RHOT1: variants seen among roughly 807,000 people sequenced by gnomAD.
The protein encoded by RHOT1 is mitochondrial Rho GTPase 1.
RHOT1 carries 27 observed loss-of-function variants against 95.3 expected under a neutral mutation model. The ratio of observed to expected loss-of-function variants is 0.28; its 90% CI spans 0.21 to 0.39. The LOEUF is 0.39. Among genes scored for constraint, RHOT1 ranks in the 10% least tolerant of loss-of-function variants. The probability of loss-of-function intolerance (pLI) is 1.00; values close to 1 mark genes in which losing one functional copy is unlikely to be tolerated. For missense variants in RHOT1, 578 were observed against 786.7 expected (o/e 0.73, Z 3.17); for synonymous variants, 227 against 263.5 (o/e 0.86, Z 1.34).
chr17:32,155,025 A>G (rs1209025618), intron 1 of RHOT1, among the ~76,000 whole-genome samples: 1 of 152,078 alleles, frequency 6.6e-6, no homozygotes, highest in Non-Finnish European at 1.5e-5. Context: ...TTGAGGTTGC[A>G]GTGAGCTGTG....
At chr17:32,193,301 A>G in intron 10 of RHOT1, 57 bp downstream of exon 10, 1 of 1,067,956 alleles carries the variant, frequency 9.4e-7, no homozygotes, top group Non-Finnish European at 1.5e-6. Context: ...AATTTGGCAG[A>G]AGGTGAAGGT....
chr17:32,162,940 GA>G (rs1417814712), intron 1 of RHOT1, among the ~76,000 whole-genome samples: 1 of 152,164 alleles, frequency 6.6e-6, no homozygotes, highest in Non-Finnish European at 1.5e-5. Flanking sequence ...ATGTTTAGAT[GA>G]GGGAAACTGT....
At chr17:32,220,028 A>T (rs1185456476) in intron 19 of RHOT1, among the ~76,000 whole-genome samples, 1 of 152,218 alleles carries the variant, frequency 6.6e-6, no homozygotes, top group Non-Finnish European at 1.5e-5. Context: ...AAAACATCCT[A>T]AATATAGAGA....
chr17:32,200,832 T>TTAAAGTAGTC, intron 13 of RHOT1, 124 bp from the exon 14 acceptor site: 2 of 624,720 alleles, frequency 3.2e-6, no homozygotes, highest in Non-Finnish European at 2.8e-6. Flanking sequence ...TCATAGGAAA[T>TTAAAGTAGTC]TAAAGTAGTC....
At chr17:32,206,441 CTTTTTTTTTTTTTTTT>C (rs34176535) in intron 16 of RHOT1, among the ~76,000 whole-genome samples, 9 of 67,008 alleles carry the variant, frequency 1.3e-4, no homozygotes, top group Non-Finnish European at 2.7e-4. Context: ...TCTATACTTT[CTTTTTTTTTTTTTTTT>C]TTTTTTTTTT....
rs1048307503 is a variant in RHOT1, at chr17:32,178,642, C to T, written c.329+2429C>T. On this transcript the variant is annotated intron_variant, in intron 6 of 19. Transcript: ENST00000545287. Reference sequence around the variant, plus strand: ...CTAGGAAGTGAGGAGCATCTCTGCCCGGCTGCCCATCGTCTGGGATGTGAG... The same window carrying T: ...CTAGGAAGTGAGGAGCATCTCTGCCTGGCTGCCCATCGTCTGGGATGTGAG... 2.0e-3 allele frequency among the ~76,000 whole-genome samples: 304 copies of T among 149,968 alleles called. 1 individual carries two copies. The highest frequency in any genetic ancestry group is 3.2e-3 in the Non-Finnish European group (215 of 67,336).
intron 8 of RHOT1, among the ~76,000 whole-genome samples, chr17:32,189,404 A>C (rs1341359457): frequency 6.6e-6 from 1 of 152,232 alleles, no homozygotes; most frequent in Non-Finnish European, 1.5e-5. Context: ...AACAGTCTTA[A>C]TACTGTGGGA....
Position 32,204,338 on chromosome 17 carries a change from G to T in RHOT1, c.1416+365G>T, listed in dbSNP as rs538516432. ...GGCCAAGGCGGGCGGATCACCTGAG[G>T]TCGGGAGTTTGAGACCAGCCTGACC... On this transcript the variant is annotated intron_variant, in intron 16 of 19. Transcript: ENST00000545287. Among the ~76,000 whole-genome samples, 122 of 152,026 alleles carry T rather than the reference G, an allele frequency of 8.0e-4. 1 individual carries two copies. Among genetic ancestry groups the T allele is most frequent in the Admixed American group, 2.0e-3 (31 of 15,274 alleles).
chr17:32,196,951 A>T (rs550574305), intron 11 of RHOT1, among the ~76,000 whole-genome samples: 1 of 152,042 alleles, frequency 6.6e-6, no homozygotes, highest in Non-Finnish European at 1.5e-5. Context: ...GCGAAAACCC[A>T]TCTCTACTAA....
At chr17:32,205,033 C>T (rs2037609001) in intron 16 of RHOT1, among the ~76,000 whole-genome samples, 1 of 150,174 alleles carries the variant, frequency 6.7e-6, no homozygotes, top group Non-Finnish European at 1.5e-5. Context: ...CTTTCTTCTA[C>T]TTCTATTTTT....
At chr17:32,175,406 CAG>C (rs775721487) in intron 4 of RHOT1, 44 bp downstream of exon 4, 60 of 1,529,724 alleles carry the variant, frequency 3.9e-5, no homozygotes, top group African/African-American at 5.5e-5. Flanking sequence ...TGTAGAAAAA[CAG>C]TGATGATTTT....
At chr17:32,147,637 T>C (rs972487352) in intron 1 of RHOT1, among the ~76,000 whole-genome samples, 2 of 151,660 alleles carry the variant, frequency 1.3e-5, no homozygotes, top group Non-Finnish European at 2.9e-5. Context: ...CTGACTGACA[T>C]GGTGAAACCC....
At chr17:32,147,041 C>G (rs1054776045) in intron 1 of RHOT1, among the ~76,000 whole-genome samples, 18 of 149,542 alleles carry the variant, frequency 1.2e-4, no homozygotes, top group East Asian at 3.9e-4. Context: ...CCATGCCTGG[C>G]CTGCTCTTTT....
At chr17:32,215,283 T>G (rs1398802536) in intron 19 of RHOT1, among the ~76,000 whole-genome samples, 3 of 152,180 alleles carry the variant, frequency 2.0e-5, no homozygotes, top group Non-Finnish European at 2.9e-5. Flanking sequence ...GCACATTGTT[T>G]TAGTGTGCTT....
At chr17:32,196,846 G>A (rs560454725) in intron 11 of RHOT1, among the ~76,000 whole-genome samples, 2 of 152,056 alleles carry the variant, frequency 1.3e-5, no homozygotes, top group African/African-American at 2.4e-5. Flanking sequence ...TTTGGGGGCC[G>A]GGTGTGGTGG....
chr17:32,147,163 GC>G (rs1360969104), intron 1 of RHOT1, among the ~76,000 whole-genome samples: 2 of 151,834 alleles, frequency 1.3e-5, no homozygotes, highest in African/African-American at 4.8e-5. Flanking sequence ...TCCTGCCTCA[GC>G]CTCCCAAGTA....
intron 11 of RHOT1, among the ~76,000 whole-genome samples, chr17:32,198,651 G>T (rs1220498579): frequency 6.6e-6 from 1 of 152,202 alleles, no homozygotes; most frequent in Non-Finnish European, 1.5e-5. Context: ...CGAGACTGCA[G>T]TGAGCTGTGA....
intron 8 of RHOT1, among the ~76,000 whole-genome samples, chr17:32,183,875 AG>A (rs1192612272): frequency 3.3e-5 from 5 of 152,058 alleles, no homozygotes; most frequent in Non-Finnish European, 5.9e-5. Context: ...TAGTAGAGAC[AG>A]GGTTTCACCA....
intron 1 of RHOT1, among the ~76,000 whole-genome samples, chr17:32,161,255 T>G (rs1567662410): frequency 6.6e-6 from 1 of 152,180 alleles, no homozygotes; most frequent in East Asian, 1.9e-4. Flanking sequence ...CATCGGGATG[T>G]GGAAAACGTT....
Sources: gnomAD v4.1 joint callset for allele counts (sites outside exome capture counted in the v4.1 genomes callset) on GRCh38, gnomAD v4.1.1 for gene constraint, MANE v1.5 for transcripts, NCBI Gene and HGNC (gene_info 2026-07-23, HGNC 2026-07-21) for gene names.